Variants in HYAL4 observed in about 807,000 individuals in gnomAD.
HYAL4 encodes the protein hyaluronidase 4.
Under a neutral mutation model 35.2 loss-of-function variants are expected in HYAL4, and 37 were observed. That is an observed-to-expected ratio of 1.05 (90% CI 0.81 to 1.38). HYAL4 has a LOEUF of 1.38. HYAL4 is among the 40% of genes most tolerant of loss of function. HYAL4 has a pLI of 0.00. For synonymous variants in HYAL4, 198 were observed against 203.2 expected, an observed-to-expected ratio of 0.97 and a Z score of 0.22; for missense variants, 572 against 572.4, an observed-to-expected ratio of 1.00 and a Z score of 0.01.
At position 123,869,005 on chromosome 7, in the gene HYAL4, G is replaced by C; in HGVS notation, c.732G>C (p.Arg244Ser). The C allele has an allele frequency of 1.9e-6, 3 of 1,613,980 alleles. No individual in the cohort carries two copies. The South Asian group carries it at 3.3e-5, about 18-fold the overall frequency. Reference protein sequence around the residue: ...SGSCPEDEVLRNNELSWLWNS... With the variant: ...SGSCPEDEVLSNNELSWLWNS... ...CATGCCCAGAAGACGAAGTCTTGAG[G>C]AACAATGAGCTCTCTTGGCTCTGGA... The change falls in exon 3 of 5, where the codon AGG (arginine) becomes AGC (serine). Residue 244 changes from arginine (R) to serine (S), a missense_variant. Transcript: ENST00000223026.
At chr7:123,812,423 G>A in the HYAL4 span, among the ~76,000 whole-genome samples, 4 of 152,064 alleles carry the variant, frequency 2.6e-5, no homozygotes, top group Non-Finnish European at 4.4e-5. Context: ...GCATATTTTT[G>A]TTACTGTAGT....
chr7:123,777,120 C>T, the HYAL4 span, among the ~76,000 whole-genome samples: 2 of 152,148 alleles, frequency 1.3e-5, no homozygotes, highest in Admixed American at 1.3e-4. Flanking sequence ...TGAAGCCATA[C>T]GCCACCACCA....
At chr7:123,783,293 A>G in the HYAL4 span, among the ~76,000 whole-genome samples, 3 of 152,150 alleles carry the variant, frequency 2.0e-5, no homozygotes, top group Non-Finnish European at 4.4e-5. Flanking sequence ...TGCCTTCTCT[A>G]TGTTGGGACT....
the HYAL4 span, among the ~76,000 whole-genome samples, chr7:123,822,862 G>A: frequency 6.6e-6 from 1 of 152,214 alleles, no homozygotes; most frequent in Non-Finnish European, 1.5e-5. Context: ...CTTCTCAGGA[G>A]GCTACAGCAG....
At chr7:123,765,730 C>T in the HYAL4 span, among the ~76,000 whole-genome samples, 5 of 152,114 alleles carry the variant, frequency 3.3e-5, no homozygotes, top group Admixed American at 6.5e-5. Context: ...TAATCTACTA[C>T]CAACACAGTG....
At chr7:123,797,891 T>G in the HYAL4 span, among the ~76,000 whole-genome samples, 1 of 152,182 alleles carries the variant, frequency 6.6e-6, no homozygotes, top group African/African-American at 2.4e-5. Context: ...AATTCCAAAT[T>G]CTCAAAAAGC....
At chr7:123,852,026 A>G (rs1202248564) in intron 2 of HYAL4, among the ~76,000 whole-genome samples, 2 of 152,184 alleles carry the variant, frequency 1.3e-5, no homozygotes. Flanking sequence ...TGTTGGCCAC[A>G]TAAATGTCAC....
chr7:123,843,212 A>G (rs1032976008), upstream of HYAL4, among the ~76,000 whole-genome samples: 9 of 152,152 alleles, frequency 5.9e-5, no homozygotes, highest in Admixed American at 3.3e-4. Context: ...AAAATCTCCC[A>G]GCATTTGCTT....
the HYAL4 span, among the ~76,000 whole-genome samples, chr7:123,764,233 C>T: frequency 7.9e-4 from 120 of 152,282 alleles, no homozygotes; most frequent in African/African-American, 2.7e-3. Context: ...CTTGAGCCTC[C>T]CAGTGCTGGG....
At chr7:123,825,248 T>G (rs1229211231), upstream of HYAL4, among the ~76,000 whole-genome samples, 1 of 152,154 alleles carries the variant, frequency 6.6e-6, no homozygotes, top group Non-Finnish European at 1.5e-5. Flanking sequence ...AGGTTTCCCC[T>G]AATTGAAGCA....
At chr7:123,782,201 C>T in the HYAL4 span, among the ~76,000 whole-genome samples, 1 of 152,066 alleles carries the variant, frequency 6.6e-6, no homozygotes, top group African/African-American at 2.4e-5. Flanking sequence ...ATATATGATC[C>T]TAGTATTTTT....
chr7:123,832,160 T>C (rs1405405821), intron 1 of HYAL4, among the ~76,000 whole-genome samples: 1 of 152,180 alleles, frequency 6.6e-6, no homozygotes, highest in African/African-American at 2.4e-5. Context: ...TGTGTTGAAA[T>C]AAATATTTTC....
At chr7:123,845,836 G>A (rs1562994975) in intron 1 of HYAL4, among the ~76,000 whole-genome samples, 151 bp downstream of exon 1, 1 of 152,160 alleles carries the variant, frequency 6.6e-6, no homozygotes, top group South Asian at 2.1e-4. Flanking sequence ...TTTGACCCAC[G>A]GGGTGTTCTC....
the HYAL4 span, among the ~76,000 whole-genome samples, chr7:123,804,928 G>A: frequency 2.6e-5 from 4 of 152,192 alleles, no homozygotes; most frequent in African/African-American, 9.7e-5. Context: ...GGTTATAAAT[G>A]TAACCTATTC....
chr7:123,793,814 C>T, the HYAL4 span, among the ~76,000 whole-genome samples: 7 of 152,244 alleles, frequency 4.6e-5, no homozygotes, highest in Non-Finnish European at 1.0e-4. Flanking sequence ...ATTAGCACCA[C>T]AGAGAGTGGG....
At chr7:123,824,944 C>T (rs1235057363), upstream of HYAL4, among the ~76,000 whole-genome samples, 2 of 152,090 alleles carry the variant, frequency 1.3e-5, no homozygotes, top group South Asian at 2.1e-4. Flanking sequence ...CAGTAGTTCC[C>T]GTGTGGTTCT....
At chr7:123,788,168 T>A in the HYAL4 span, among the ~76,000 whole-genome samples, 12 of 152,066 alleles carry the variant, frequency 7.9e-5, no homozygotes, top group Non-Finnish European at 1.5e-4. Flanking sequence ...GATAAAATTT[T>A]AAAAATTAAG....
chr7:123,841,624 G>T (rs1241558394), upstream of HYAL4, among the ~76,000 whole-genome samples: 1 of 151,874 alleles, frequency 6.6e-6, no homozygotes, highest in Non-Finnish European at 1.5e-5. Context: ...TCTGGTCCTG[G>T]ACTTTTTTTT....
chr7:123,806,705 G>A, the HYAL4 span, among the ~76,000 whole-genome samples: 1 of 151,746 alleles, frequency 6.6e-6, no homozygotes, highest in African/African-American at 2.4e-5. Context: ...ATCCAACCCA[G>A]CCTCCCAAAG....
Sources: gnomAD v4.1 joint callset for allele counts (sites outside exome capture counted in the v4.1 genomes callset) on GRCh38, gnomAD v4.1.1 for gene constraint, MANE v1.5 for transcripts, NCBI Gene and HGNC (gene_info 2026-07-23, HGNC 2026-07-21) for gene names.